The following FAM135B variants were observed in gnomAD, a reference collection of about 807,000 sequenced individuals.
FAM135B encodes the protein family with sequence similarity 135 member B, also known as protein FAM135B.
Under a neutral mutation model 127.7 loss-of-function variants are expected in FAM135B, and 43 were observed. The observed-to-expected ratio is 0.34, with a 90% CI of 0.26 to 0.43. FAM135B has a LOEUF of 0.43. FAM135B is among the 20% of genes least tolerant of loss of function. The probability of loss-of-function intolerance (pLI) is 1.00; values close to 1 mark genes in which losing one functional copy is unlikely to be tolerated. For missense variants in FAM135B, 1,558 were observed against 1,725.6 expected, an observed-to-expected ratio of 0.90 and a Z score of 1.72; for synonymous variants, 670 against 665.1, an observed-to-expected ratio of 1.01 and a Z score of -0.11.
At chr8:138,445,353 A>C (rs1836071266) in intron 1 of FAM135B, among the ~76,000 whole-genome samples, 1 of 152,194 alleles carries the variant, frequency 6.6e-6, no homozygotes, top group Non-Finnish European at 1.5e-5. Context: ...ACAACAAAAA[A>C]AGAGAATTTT....
chr8:138,213,689 G>A (rs945283235), intron 7 of FAM135B, among the ~76,000 whole-genome samples: 1 of 152,044 alleles, frequency 6.6e-6, no homozygotes, highest in South Asian at 2.1e-4. Context: ...TTAAACACTA[G>A]AATGATGCAA....
At chr8:138,218,238 T>C (rs185521743) in intron 7 of FAM135B, among the ~76,000 whole-genome samples, 2 of 152,328 alleles carry the variant, frequency 1.3e-5, no homozygotes, top group Admixed American at 1.3e-4. Flanking sequence ...CTTCTATTAC[T>C]TCTAATTAAA....
At position 138,151,288 on chromosome 8, in the gene FAM135B, G is replaced by A. The variant is rs774287107; in HGVS notation, c.3187C>T (p.Leu1063=). ...AAAGGCTGATGGGTGATGGGAAACA[G>A]GGTCTGTTTGGAAGAGAATCCAGCC... ...ARAGFSSKQT[L]FPITHQPLGS... Residue 1063 remains leucine, a synonymous_variant, in exon 13 of 20, where the codon CTG becomes TTG. Coordinates refer to ENST00000395297, the MANE Select transcript of FAM135B (RefSeq NM_015912.4). 51 of 1,613,726 alleles carry A rather than the reference G, an allele frequency of 3.2e-5. No individual in the cohort carries two copies. The South Asian group carries it at 5.3e-4, about 17-fold the overall frequency.
At chr8:138,394,336 G>A (rs369627654) in intron 1 of FAM135B, among the ~76,000 whole-genome samples, 1 of 152,154 alleles carries the variant, frequency 6.6e-6, no homozygotes, top group African/African-American at 2.4e-5. Context: ...ACTGGGTCAT[G>A]TGCTGTACCA....
intron 1 of FAM135B, among the ~76,000 whole-genome samples, chr8:138,448,457 G>C (rs973484026): frequency 2.0e-5 from 3 of 152,158 alleles, no homozygotes; most frequent in Non-Finnish European, 1.5e-5. Flanking sequence ...CACCAGATTA[G>C]ATCATAAGAG....
At chr8:138,476,660 G>C (rs1384353146) in intron 1 of FAM135B, among the ~76,000 whole-genome samples, 1 of 152,100 alleles carries the variant, frequency 6.6e-6, no homozygotes, top group Non-Finnish European at 1.5e-5. Flanking sequence ...AATATAATCA[G>C]TATAACCCAC....
intron 3 of FAM135B, among the ~76,000 whole-genome samples, chr8:138,288,977 T>C (rs750498558): frequency 2.0e-5 from 3 of 152,202 alleles, no homozygotes; most frequent in Admixed American, 6.5e-5. Context: ...GCTGGAAGTC[T>C]GCCTAAAACA....
At position 138,242,901 on chromosome 8, in the gene FAM135B, A is replaced by G. The variant is rs559252179; in HGVS notation, c.669+41T>C. The G allele has an allele frequency of 1.9e-6, 3 of 1,587,582 alleles. No individual in the cohort carries two copies. The highest frequency in any genetic ancestry group is 1.4e-5 in the African/African-American group (1 of 73,672). ...ATAGAACATACACTCTGCAAAGTAA[A>G]GTTTGAAAGTTTTGAAGCAACTGCC... On this transcript the variant is annotated intron_variant, in intron 7 of 19. Coordinates refer to ENST00000395297, the MANE Select transcript of FAM135B (RefSeq NM_015912.4). This position sits in a 1 kb window ranked among gnomAD's most constrained non-coding sequence, Gnocchi z 9.6.
intron 2 of FAM135B, among the ~76,000 whole-genome samples, chr8:138,344,178 T>G (rs1606322): frequency 0.94 from 142,835 of 152,212 alleles, 67,316 homozygotes; most frequent in Non-Finnish European, 0.98. Context: ...TGAGCCAAAA[T>G]CATTGCCTGA....
At chr8:138,298,535 TAAGAGTGACAGGG>T (rs1468618322) in intron 3 of FAM135B, among the ~76,000 whole-genome samples, 2 of 152,066 alleles carry the variant, frequency 1.3e-5, no homozygotes, top group African/African-American at 4.8e-5. Flanking sequence ...CAAGAATGAA[TAAGAGTGACAGGG>T]AAGAGGGATA....
rs1172413119 is a variant in FAM135B, at chr8:138,268,603, T to C, written c.158-2761A>G. On this transcript the variant is annotated intron_variant, in intron 3 of 19. Coordinates refer to ENST00000395297, the MANE Select transcript of FAM135B (RefSeq NM_015912.4). ...GACAACACTCCCTGCTTCATTCCCA[T>C]TGGGATTTTCCCTTCTTCAACAACA... 2.0e-5 allele frequency among the ~76,000 whole-genome samples: 3 copies of C among 152,134 alleles called. No homozygotes were observed. In the East Asian group the frequency reaches 5.8e-4, roughly 29 times the overall value.
chr8:138,152,928 T>C lies in FAM135B; in HGVS notation c.1547A>G (p.Asp516Gly), dbSNP rs772493563. The change falls in exon 13 of 20, where the codon GAT (aspartate) becomes GGT (glycine). Residue 516 changes from aspartate (D) to glycine (G), a missense_variant. Around this residue, in one of 5 missense-constraint regions of FAM135B, gnomAD observed 923 missense variants for 865.3 expected, o/e 1.07. Transcript: ENST00000395297. ...AGATGTTTGGCCAGTCCAACATTCATCTTCAGGCACACCTGCTTTGTTTTG... is the reference window on the plus strand; with the variant it reads ...AGATGTTTGGCCAGTCCAACATTCACCTTCAGGCACACCTGCTTTGTTTTG... ...EFQNKAGVPE[D>G]ECWTGQTSDA... 8 of 1,614,120 alleles carry C rather than the reference T, an allele frequency of 5.0e-6. No individual in the cohort carries two copies. Among genetic ancestry groups the C allele is most frequent in the South Asian group, 3.3e-5 (3 of 91,094 alleles).
chr8:138,287,399 G>C (rs1345590308), intron 3 of FAM135B, among the ~76,000 whole-genome samples: 1 of 149,732 alleles, frequency 6.7e-6, no homozygotes, highest in Non-Finnish European at 1.5e-5. Flanking sequence ...TCCATAAACT[G>C]CTAGTGGAAG....
chr8:138,265,931 C>T (rs1427606085), intron 3 of FAM135B, 89 bp from the exon 4 acceptor site: 4 of 1,383,394 alleles, frequency 2.9e-6, no homozygotes, highest in Non-Finnish European at 2.9e-6. Flanking sequence ...CTCAAGTAGG[C>T]TAATGGCCCC....
chr8:138,151,523 A>C lies in FAM135B; in HGVS notation c.2952T>G (p.Thr984=). The change falls in exon 13 of 20, where the codon ACT becomes ACG. Residue 984 remains threonine (T), a synonymous_variant. Coordinates refer to ENST00000395297, the MANE Select transcript of FAM135B (RefSeq NM_015912.4). ...AFPEAKHKAG[T]VCPTVTHSVH... is the part of the protein sequence containing the mutation. ...CGGAATGGGTCACAGTGGGGCACAC[A>C]GTGCCTGCTTTATGTTTAGCCTCCG... 6.2e-7 allele frequency: 1 copy of C among 1,614,220 alleles called. No homozygotes were observed.
chr8:138,240,182 T>G (rs983161987), intron 7 of FAM135B, among the ~76,000 whole-genome samples: 2 of 151,924 alleles, frequency 1.3e-5, no homozygotes, highest in Non-Finnish European at 1.5e-5. Context: ...TCCACAAGAG[T>G]GAATGAGTTC....
rs187930556 is a variant in FAM135B at position 138,249,829 on chromosome 8, C to T, written c.542+1012G>A. 3.4e-3 allele frequency among the ~76,000 whole-genome samples: 523 copies of T among 152,330 alleles called. 3 individuals are homozygous for T. Among genetic ancestry groups the T allele is most frequent in the Non-Finnish European group, 5.6e-3 (384 of 68,032 alleles). On this transcript the variant is annotated intron_variant, in intron 6 of 19. Coordinates refer to ENST00000395297, the MANE Select transcript of FAM135B (RefSeq NM_015912.4). ...GGAAACACCATGCTGCAACATTCTA[C>T]GCATAAACATTGCACACGTGGAACT...
At chr8:138,469,117 G>A (rs1837540323) in intron 1 of FAM135B, among the ~76,000 whole-genome samples, 1 of 151,000 alleles carries the variant, frequency 6.6e-6, no homozygotes, top group Admixed American at 6.6e-5. Flanking sequence ...GGGAAAGAAG[G>A]AAGGAAGGAT....
chr8:138,203,199 C>T (rs537411802), intron 7 of FAM135B, among the ~76,000 whole-genome samples: 1 of 152,292 alleles, frequency 6.6e-6, no homozygotes, highest in African/African-American at 2.4e-5. Context: ...ATCTATGTCT[C>T]TACATCTAAT....
Sources: gnomAD v4.1 joint callset for allele counts (sites outside exome capture counted in the v4.1 genomes callset) on GRCh38, gnomAD v4.1.1 for gene constraint, gnomAD v4.1.1 regional missense constraint, Gnocchi (gnomAD v3.1) non-coding constraint, MANE v1.5 for transcripts, NCBI Gene and HGNC (gene_info 2026-07-23, HGNC 2026-07-21) for gene names.